The following CYB5R4 variants were observed in gnomAD, a reference collection of about 807,000 sequenced individuals.
CYB5R4 encodes the protein cytochrome b5 reductase 4.
A neutral mutation model predicts 70.2 loss-of-function variants in CYB5R4; 55 were observed. That is an observed-to-expected ratio of 0.78 (90% CI 0.63 to 0.98). The LOEUF is 0.98. Among genes scored for constraint, CYB5R4 ranks in the 50% least tolerant of loss-of-function variants. The pLI, the probability that CYB5R4 is intolerant of heterozygous loss-of-function variation, is 0.00. For missense variants in CYB5R4, 562 were observed against 612.6 expected (o/e 0.92, Z 0.87); for synonymous variants, 197 against 199.5 (o/e 0.99, Z 0.11).
In CYB5R4 at chr6:83,960,996, A is replaced by G. The variant is rs137922475; in HGVS notation, c.*1118A>G. The G allele has an allele frequency of 2.6e-5, 4 of 152,334 alleles. No individual in the cohort carries two copies. The highest frequency in any genetic ancestry group is 3.9e-4 in the East Asian group (2 of 5,188). The allele number at this position is 152,334 out of a possible 1,614,324, so 9.4% of individuals were successfully genotyped here. Reference sequence around the variant, plus strand: ...ATTTTTCAGTCTTAGTACAGCTGCAATGTTTTCACAGAAATAGGGGATTGA... The same window carrying G: ...ATTTTTCAGTCTTAGTACAGCTGCAGTGTTTTCACAGAAATAGGGGATTGA... On this transcript the variant is annotated 3_prime_UTR_variant, in exon 16 of 16. Coordinates refer to ENST00000369681, the MANE Select transcript of CYB5R4 (RefSeq NM_016230.4).
chr6:83,960,724 A>G lies in CYB5R4; in HGVS notation c.*846A>G, dbSNP rs1262817188. The G allele has an allele frequency of 6.6e-6, 1 of 152,194 alleles. No individual in the cohort carries two copies. The highest frequency in any genetic ancestry group is 2.4e-5 in the African/African-American group (1 of 41,450). The allele number at this position is 152,194 out of a possible 1,614,324, so 9.4% of individuals were successfully genotyped here. ...TTAGTCCATCTAAATCAGCTGGAAA[A>G]ATGAGGAACATTCTGCCTTGAATGG... On this transcript the variant is annotated 3_prime_UTR_variant, in exon 16 of 16. Coordinates refer to ENST00000369681, the MANE Select transcript of CYB5R4 (RefSeq NM_016230.4).
intron 10 of CYB5R4, among the ~76,000 whole-genome samples, chr6:83,930,784 A>G (rs1409379472): frequency 5.6e-5 from 6 of 106,256 alleles, no homozygotes; most frequent in East Asian, 7.4e-4. Context: ...TTACTATGTG[A>G]AAAAAAAAAA....
rs148615667 is a variant in CYB5R4 at position 83,905,141 on chromosome 6, G to A, written c.331-3868G>A. Among the ~76,000 whole-genome samples, 266 of 152,116 alleles carry A rather than the reference G, an allele frequency of 1.7e-3. 1 individual carries two copies. Among genetic ancestry groups the A allele is most frequent in the Middle Eastern group, 3.4e-3 (1 of 294 alleles). The stretch of plus-strand genomic sequence containing the variant: ...GCAGCCTCAGCTCACTGCAACCTCC[G>A]CGTCCCAGGTTCAAGAGATTCTCCT... On this transcript the variant is annotated intron_variant, in intron 3 of 15. Transcript: ENST00000369681.
intron 10 of CYB5R4, among the ~76,000 whole-genome samples, chr6:83,934,355 A>G (rs2099468607): frequency 6.6e-6 from 1 of 152,112 alleles, no homozygotes; most frequent in Admixed American, 6.5e-5. Context: ...AGGAAATAAC[A>G]CTCATTAAGT....
At chr6:83,876,996 T>A (rs929291375) in intron 2 of CYB5R4, among the ~76,000 whole-genome samples, 1 of 152,082 alleles carries the variant, frequency 6.6e-6, no homozygotes, top group Non-Finnish European at 1.5e-5. Flanking sequence ...CACACCTGGC[T>A]AATTTTTTAT....
intron 10 of CYB5R4, among the ~76,000 whole-genome samples, chr6:83,932,423 G>A (rs1005568808): frequency 6.6e-6 from 1 of 152,194 alleles, no homozygotes; most frequent in Non-Finnish European, 1.5e-5. Context: ...AGTAGAAATT[G>A]TCAATCCAGA....
chr6:83,911,259 T>A (rs1342908522), intron 4 of CYB5R4, among the ~76,000 whole-genome samples: 1 of 151,784 alleles, frequency 6.6e-6, no homozygotes, highest in Non-Finnish European at 1.5e-5. Flanking sequence ...AAAAAAAAAT[T>A]ATATTTAATT....
intron 10 of CYB5R4, among the ~76,000 whole-genome samples, chr6:83,925,779 A>G (rs9341969): frequency 6.6e-6 from 1 of 151,980 alleles, no homozygotes; most frequent in Non-Finnish European, 1.5e-5. Flanking sequence ...TACTTTCTAC[A>G]TATTGAACTT....
chr6:83,921,684 A>G (rs1055437737), intron 8 of CYB5R4, among the ~76,000 whole-genome samples: 16 of 152,204 alleles, frequency 1.1e-4, no homozygotes, highest in Admixed American at 9.8e-4. Context: ...AAGTGGTAGA[A>G]ACCAGGGAAC....
intron 3 of CYB5R4, among the ~76,000 whole-genome samples, chr6:83,897,765 G>A (rs1454240800): frequency 6.6e-6 from 1 of 151,848 alleles, no homozygotes; most frequent in Non-Finnish European, 1.5e-5. Context: ...TAAATTTGTT[G>A]GAGTTCTTTG....
At chr6:83,939,601 C>T (rs1354046368) in intron 12 of CYB5R4, among the ~76,000 whole-genome samples, 2 of 152,184 alleles carry the variant, frequency 1.3e-5, no homozygotes, top group Admixed American at 6.5e-5. Context: ...AATCCTGTTA[C>T]TGTGGTTAAT....
At chr6:83,874,789 AC>A (rs2129130053) in intron 2 of CYB5R4, among the ~76,000 whole-genome samples, 1 of 150,262 alleles carries the variant, frequency 6.7e-6, no homozygotes, top group East Asian at 1.9e-4. Context: ...TTTCTTGGCC[AC>A]TTTTTATATT....
chr6:83,951,324 T>A (rs2099471483), intron 14 of CYB5R4, among the ~76,000 whole-genome samples: 1 of 152,206 alleles, frequency 6.6e-6, no homozygotes, highest in Non-Finnish European at 1.5e-5. Context: ...CTGGGATACA[T>A]GTGCAGAACA....
At chr6:83,880,181 T>A (rs538695699) in intron 2 of CYB5R4, among the ~76,000 whole-genome samples, 2 of 152,370 alleles carry the variant, frequency 1.3e-5, no homozygotes, top group East Asian at 3.9e-4. Flanking sequence ...ATACATTGTG[T>A]AATGATCAAA....
rs531991522 is a variant in CYB5R4 at position 83,931,175 on chromosome 6, A to C, written c.815-3420A>C. Reference sequence around the variant, plus strand: ...ACTTGGCTATAGTGATTGGCTACTAATAATTACTAATCATGTTCTCAAACT... The same window carrying C: ...ACTTGGCTATAGTGATTGGCTACTACTAATTACTAATCATGTTCTCAAACT... On this transcript the variant is annotated intron_variant, in intron 10 of 15. Transcript: ENST00000369681. Among the ~76,000 whole-genome samples, 48 of 152,338 alleles carry C rather than the reference A, an allele frequency of 3.2e-4. 1 individual carries two copies. Among genetic ancestry groups the C allele is most frequent in the African/African-American group, 1.2e-3 (48 of 41,576 alleles).
chr6:83,914,296 C>A, intron 4 of CYB5R4, 120 bp from the exon 5 acceptor site: 2 of 1,093,734 alleles, frequency 1.8e-6, no homozygotes, highest in Non-Finnish European at 2.5e-6. Context: ...TCTCCTCAGG[C>A]CTTAGAAGAA....
chr6:83,933,626 G>A (rs867604838), intron 10 of CYB5R4, among the ~76,000 whole-genome samples: 11 of 152,018 alleles, frequency 7.2e-5, no homozygotes, highest in African/African-American at 2.2e-4. Context: ...ATATCTTCAC[G>A]TTATTCTGAT....
At chr6:83,940,027 T>TC (rs2099469517) in intron 12 of CYB5R4, 29 bp from the exon 13 acceptor site, 1 of 1,470,472 alleles carries the variant, frequency 6.8e-7, no homozygotes, top group Non-Finnish European at 9.2e-7. Flanking sequence ...TTTTTTTTTT[T>TC]CTGATTTAGC....
At chr6:83,951,331 A>G (rs1269782767) in intron 14 of CYB5R4, among the ~76,000 whole-genome samples, 1 of 152,200 alleles carries the variant, frequency 6.6e-6, no homozygotes, top group African/African-American at 2.4e-5. Flanking sequence ...ACATGTGCAG[A>G]ACATACAGGT....
Sources: allele counts gnomAD v4.1 joint callset (sites outside exome capture counted in the v4.1 genomes callset), GRCh38; gene constraint gnomAD v4.1.1; transcripts MANE v1.5; gene names NCBI Gene and HGNC (gene_info 2026-07-23, HGNC 2026-07-21).